CPEB3: variants seen among roughly 807,000 people sequenced by gnomAD.
CPEB3 encodes the protein cytoplasmic polyadenylation element-binding protein 3.
In CPEB3, 20 loss-of-function variants were observed where a neutral mutation model predicts 67.2. The ratio of observed to expected loss-of-function variants is 0.30; its 90% CI spans 0.21 to 0.43. CPEB3 has a LOEUF of 0.43. CPEB3 is among the 20% of genes least tolerant of loss of function. The probability of loss-of-function intolerance (pLI) is 1.00; values close to 1 mark genes in which losing one functional copy is unlikely to be tolerated. For missense variants in CPEB3, 746 were observed against 968.6 expected (o/e 0.77, Z 3.05); for synonymous variants, 376 against 393.1 (o/e 0.96, Z 0.51).
intron 2 of CPEB3, among the ~76,000 whole-genome samples, chr10:92,209,672 A>G (rs569576907): frequency 3.3e-5 from 5 of 152,106 alleles, no homozygotes; most frequent in African/African-American, 4.8e-5. Flanking sequence ...GAATTTCAGC[A>G]GCTCACGCTT....
At chr10:92,252,898 A>C (rs533633853) in intron 1 of CPEB3, among the ~76,000 whole-genome samples, 42 of 152,166 alleles carry the variant, frequency 2.8e-4, no homozygotes, top group African/African-American at 9.9e-4. Flanking sequence ...AAAAAAGTAT[A>C]TACTATATGC....
At chr10:92,137,493 C>A in intron 6 of CPEB3, 2 of 1,069,736 alleles carry the variant, frequency 1.9e-6, no homozygotes, top group Non-Finnish European at 2.8e-6. Flanking sequence ...TGCTATCAGC[C>A]ACAAGGCCTT....
intron 4 of CPEB3, among the ~76,000 whole-genome samples, chr10:92,147,114 G>A (rs1030629145): frequency 6.6e-6 from 1 of 152,138 alleles, no homozygotes; most frequent in Non-Finnish European, 1.5e-5. Flanking sequence ...CGTACGTTAT[G>A]CTTTTCCACC....
intron 9 of CPEB3, among the ~76,000 whole-genome samples, chr10:92,062,306 T>C (rs1842386503): frequency 6.7e-6 from 1 of 149,668 alleles, no homozygotes; most frequent in African/African-American, 2.5e-5. Context: ...CCAGCTAAAA[T>C]TGCCAACAAA....
chr10:92,191,322 A>C (rs1168567578), intron 3 of CPEB3, among the ~76,000 whole-genome samples: 1 of 152,032 alleles, frequency 6.6e-6, no homozygotes, highest in East Asian at 1.9e-4. Context: ...TAATCATTTG[A>C]ACCTAGGAGG....
At chr10:92,289,732 A>AAAAAAAAAAAAAAAAAATAT in intron 1 of CPEB3, among the ~76,000 whole-genome samples, 31 of 75,762 alleles carry the variant, frequency 4.1e-4, no homozygotes, top group Non-Finnish European at 5.1e-4. Flanking sequence ...AAAAAAAAAA[A>AAAAAAAAAAAAAAAAAATAT]ATATATATAT....
intron 2 of CPEB3, among the ~76,000 whole-genome samples, chr10:92,232,475 T>A (rs1851317142): frequency 6.6e-6 from 1 of 151,576 alleles, no homozygotes; most frequent in African/African-American, 2.4e-5. Context: ...TACATCAAAT[T>A]GGGCCAGACA....
At chr10:92,280,742 G>A (rs1452964921) in intron 1 of CPEB3, among the ~76,000 whole-genome samples, 3 of 146,604 alleles carry the variant, frequency 2.0e-5, no homozygotes, top group South Asian at 2.1e-4. Context: ...AATAGACGGT[G>A]AGCATCTATT....
At chr10:92,247,460 C>T (rs573687355) in intron 1 of CPEB3, among the ~76,000 whole-genome samples, 1 of 151,604 alleles carries the variant, frequency 6.6e-6, no homozygotes, top group East Asian at 2.0e-4. Context: ...TGCAGTGGCG[C>T]GATCTCAGCT....
chr10:92,206,432 C>A (rs1027118094), intron 2 of CPEB3, among the ~76,000 whole-genome samples: 1 of 152,036 alleles, frequency 6.6e-6, no homozygotes, highest in Non-Finnish European at 1.5e-5. Flanking sequence ...TCTCTATGTA[C>A]TCTTTTTCCC....
intron 6 of CPEB3, among the ~76,000 whole-genome samples, chr10:92,112,467 C>T (rs1844800264): frequency 6.6e-6 from 1 of 152,102 alleles, no homozygotes; most frequent in East Asian, 1.9e-4. Context: ...TGTAAAGAAA[C>T]TTATGAAGTA....
intron 2 of CPEB3, among the ~76,000 whole-genome samples, chr10:92,200,901 A>G (rs565314524): frequency 1.6e-4 from 25 of 152,282 alleles, no homozygotes; most frequent in African/African-American, 2.6e-4. Context: ...ACAGAGAAAC[A>G]TGGCTCTCGG....
At chr10:92,226,604 C>T (rs1381127707) in intron 2 of CPEB3, among the ~76,000 whole-genome samples, 1 of 152,154 alleles carries the variant, frequency 6.6e-6, no homozygotes, top group Admixed American at 6.5e-5. Context: ...GTGAAAAGGT[C>T]CTTGCCCTTG....
chr10:92,181,692 T>C (rs1456512560), intron 3 of CPEB3, among the ~76,000 whole-genome samples: 1 of 152,198 alleles, frequency 6.6e-6, no homozygotes, highest in Non-Finnish European at 1.5e-5. Flanking sequence ...TTTGTATGCC[T>C]CTGAGTTAAG....
In CPEB3 at chr10:92,239,712, C is replaced by A; in HGVS notation, c.639G>T (p.Gln213His). 6.4e-7 allele frequency: 1 copy of A among 1,552,600 alleles called. No individual in the cohort carries two copies. The highest frequency in any genetic ancestry group is 8.7e-7 in the Non-Finnish European group (1 of 1,154,082). Residue 213 changes from glutamine to histidine, a missense_variant, in exon 2 of 10, where the codon CAG (glutamine) becomes CAT (histidine). Gln to His is a conservative substitution (Grantham distance 24, BLOSUM62 0). Transcript: ENST00000265997. This position sits in a 1 kb window ranked among gnomAD's most constrained non-coding sequence, Gnocchi z 6.0. The part of the protein sequence containing the change: ...QRSAAAAYGH[Q>H]PIMTSKPSSS... ...AGGACGGCTTGCTGGTCATGATGGG[C>A]TGGTGGCCGTACGCCGCGGCGGCGC...
rs370461859 is a variant in CPEB3 at position 92,239,620 on chromosome 10, G to A, written c.731C>T (p.Thr244Met). 4 of 1,557,966 alleles carry A rather than the reference G, an allele frequency of 2.6e-6. No homozygotes were observed. Among genetic ancestry groups the A allele is most frequent in the Non-Finnish European group, 3.5e-6 (4 of 1,151,152 alleles). Residue 244 changes from threonine to methionine, a missense_variant, in exon 2 of 10, where the codon ACG becomes ATG. Physicochemically the swap from Thr to Met is moderately conservative, Grantham distance 81. Around this residue, in one of 2 missense-constraint regions of CPEB3, gnomAD observed 643 missense variants for 717.5 expected, o/e 0.90. Transcript: ENST00000265997. This position sits in a 1 kb window ranked among gnomAD's most constrained non-coding sequence, Gnocchi z 6.0. The stretch of plus-strand genomic sequence containing the variant: ...CCAGGCTGCATTCACGCTTTGGTGC[G>A]TGTTCCAGCTGGACGAGGCCGACGA... ...AASSASSSWN[T>M]HQSVNAAWSA... is the part of the protein sequence containing the mutation.
At chr10:92,161,139 T>C (rs1029003896) in intron 4 of CPEB3, among the ~76,000 whole-genome samples, 1 of 152,196 alleles carries the variant, frequency 6.6e-6, no homozygotes, top group African/African-American at 2.4e-5. Context: ...CCCAAAGTGC[T>C]GGGACTGTAA....
intron 7 of CPEB3, among the ~76,000 whole-genome samples, chr10:92,106,837 A>AAAAG (rs1227097477): frequency 1.2e-4 from 16 of 136,670 alleles, no homozygotes; most frequent in East Asian, 2.1e-4. Flanking sequence ...AAAAAAAAAA[A>AAAAG]AAAGAAAGAA....
chr10:92,135,563 G>A (rs1473817469), intron 6 of CPEB3, among the ~76,000 whole-genome samples: 1 of 152,194 alleles, frequency 6.6e-6, no homozygotes, highest in African/African-American at 2.4e-5. Context: ...ACTGTTAGTG[G>A]GAGTGTAAAC....
Sources: gnomAD v4.1 joint callset for allele counts (sites outside exome capture counted in the v4.1 genomes callset) on GRCh38, gnomAD v4.1.1 for gene constraint, gnomAD v4.1.1 regional missense constraint, Gnocchi (gnomAD v3.1) non-coding constraint, MANE v1.5 for transcripts, NCBI Gene and HGNC (gene_info 2026-07-23, HGNC 2026-07-21) for gene names.